IGDCC3: variants seen among roughly 807,000 people sequenced by gnomAD.
The protein encoded by IGDCC3 is putative neuronal cell adhesion molecule.
A neutral mutation model predicts 72.0 loss-of-function variants in IGDCC3; 47 were observed. The observed-to-expected ratio is 0.65, with a 90% CI of 0.52 to 0.83. IGDCC3 has a LOEUF of 0.83. Ranked by LOEUF, IGDCC3 falls within the 40% of genes least tolerant of loss-of-function variation. IGDCC3 has a pLI of 0.00. For synonymous variants in IGDCC3, 477 were observed against 472.8 expected (o/e 1.01, Z -0.11); for missense variants, 1,038 against 1,091.3 (o/e 0.95, Z 0.69).
At chr15:65,362,111 A>G (rs544784258) in intron 2 of IGDCC3, among the ~76,000 whole-genome samples, 123 of 151,288 alleles carry the variant, frequency 8.1e-4, no homozygotes, top group African/African-American at 2.9e-3. Context: ...AGTGGTACAG[A>G]GGGAGCTGGG....
chr15:65,377,505 C>T lies in IGDCC3; in HGVS notation c.103+181G>A, dbSNP rs916779997. Among the ~76,000 whole-genome samples the T allele has an allele frequency of 1.3e-5, 2 of 152,290 alleles. No individual in the cohort carries two copies. Among genetic ancestry groups the T allele is most frequent in the East Asian group, 3.9e-4 (2 of 5,172 alleles). ...TTCCGTCCTCAACACGCCCCTAGGG[C>T]CCCCAGCAGTCCGGCCTTGGTACCC... On this transcript the variant is annotated intron_variant, in intron 1 of 13. Transcript: ENST00000327987. The surrounding 1 kb of genome is among the most constrained non-coding windows in gnomAD (Gnocchi z 4.9).
intron 2 of IGDCC3, among the ~76,000 whole-genome samples, chr15:65,365,729 C>T (rs1359942463): frequency 1.3e-5 from 2 of 152,204 alleles, no homozygotes; most frequent in Admixed American, 1.3e-4. Context: ...AGAAATCCCA[C>T]TCTAGACAAG....
intron 2 of IGDCC3, among the ~76,000 whole-genome samples, chr15:65,363,298 T>C (rs1360025089): frequency 2.0e-5 from 3 of 152,124 alleles, no homozygotes; most frequent in African/African-American, 7.2e-5. Context: ...ATTCCGGGAA[T>C]GATGAGCCCC....
chr15:65,364,426 C>T (rs664573), intron 2 of IGDCC3, among the ~76,000 whole-genome samples: 48,431 of 152,000 alleles, frequency 0.32, 7,882 homozygotes, highest in East Asian at 0.52. Context: ...CTGTTACTAA[C>T]TAGTTCTCTA....
At position 65,377,605 on chromosome 15, in the gene IGDCC3, GC is replaced by G; in HGVS notation, c.103+80del. 1.6e-6 allele frequency: 2 copies of G among 1,282,444 alleles called. No homozygotes were observed. The highest frequency in any genetic ancestry group is 2.1e-5 in the South Asian group (1 of 46,662). 79.4% of individuals were successfully genotyped at this position (1,282,444 alleles called of 1,614,324 possible). On this transcript the variant is annotated intron_variant, in intron 1 of 13. Transcript: ENST00000327987. The surrounding 1 kb of genome is among the most constrained non-coding windows in gnomAD (Gnocchi z 4.9). ...GGTCCGCGCCGCTCTCCCCGGGTCC[GC>G]CCCTCGCGCCCGCTCCCTCCCTGCT...
At chr15:65,357,854 C>T (rs1442441585) in intron 2 of IGDCC3, among the ~76,000 whole-genome samples, 4 of 152,206 alleles carry the variant, frequency 2.6e-5, no homozygotes, top group Non-Finnish European at 5.9e-5. Context: ...CCTGCAGCTG[C>T]CGAACTACTC....
At chr15:65,361,419 A>C (rs1448272833) in intron 2 of IGDCC3, among the ~76,000 whole-genome samples, 2 of 151,576 alleles carry the variant, frequency 1.3e-5, no homozygotes, top group Non-Finnish European at 1.5e-5. Flanking sequence ...TCCAACCAGG[A>C]TCAACCAGGA....
At chr15:65,366,697 G>A (rs778916030) in intron 2 of IGDCC3, among the ~76,000 whole-genome samples, 11 of 152,178 alleles carry the variant, frequency 7.2e-5, no homozygotes, top group Non-Finnish European at 1.0e-4. Context: ...CCACCGGCTT[G>A]CCTGCATTAA....
chr15:65,354,719 C>A (rs1445583277), intron 2 of IGDCC3, among the ~76,000 whole-genome samples: 1 of 152,216 alleles, frequency 6.6e-6, no homozygotes, highest in African/African-American at 2.4e-5. Context: ...GATCACTCCT[C>A]ATCTTGTCTT....
rs747552328 is a variant in IGDCC3, at chr15:65,333,323, C to T, written c.916G>A (p.Val306Ile). 3.0e-5 allele frequency: 48 copies of T among 1,613,198 alleles called. No individual in the cohort carries two copies. The highest frequency in any genetic ancestry group is 2.2e-5 in the East Asian group (1 of 44,864). Residue 306 changes from valine (V) to isoleucine (I), a missense_variant, in exon 6 of 14, where the codon GTC (valine) becomes ATC (isoleucine). By Grantham distance (29) the Val-to-Ile change is conservative (BLOSUM62 3). Transcript: ENST00000327987. The part of the protein sequence containing the change: ...DVTVQHSGVY[V>I]CAANRPGTRV... Reference sequence around the variant, plus strand: ...GTGCCAGGTCTGTTGGCTGCACAGACGTAGACGCCAGAGTGCTGGACCGTC... The same window carrying T: ...GTGCCAGGTCTGTTGGCTGCACAGATGTAGACGCCAGAGTGCTGGACCGTC...
intron 2 of IGDCC3, among the ~76,000 whole-genome samples, chr15:65,360,747 C>A (rs1415829840): frequency 6.6e-6 from 1 of 152,180 alleles, no homozygotes. Flanking sequence ...GACCAATCAG[C>A]ATGCTGGAAA....
intron 2 of IGDCC3, among the ~76,000 whole-genome samples, chr15:65,374,358 GCA>G (rs1295066713): frequency 6.6e-6 from 1 of 152,098 alleles, no homozygotes; most frequent in Non-Finnish European, 1.5e-5. Flanking sequence ...CTCCCAGTGT[GCA>G]CAGATTCAAC....
intron 2 of IGDCC3, among the ~76,000 whole-genome samples, chr15:65,342,367 C>T (rs1178983377): frequency 6.8e-6 from 1 of 148,114 alleles, no homozygotes; most frequent in Non-Finnish European, 1.5e-5. Flanking sequence ...GCCTGGGCAA[C>T]AAGAGTGAAA....
At position 65,329,778 on chromosome 15, in the gene IGDCC3, C is replaced by T; in HGVS notation, c.1945G>A (p.Val649Ile). Reference sequence around the variant, plus strand: ...AGGACACAGAAGATGATGCAAGTGACCCCGATGTGGATGCCGATGACGATG... The same window carrying T: ...AGGACACAGAAGATGATGCAAGTGATCCCGATGTGGATGCCGATGACGATG... ...TGIVIGIHIG[V>I]TCIIFCVLFL... The change falls in exon 12 of 14, where the codon GTC (valine) becomes ATC (isoleucine). Residue 649 changes from valine to isoleucine, a missense_variant. Transcript: ENST00000327987. This position sits in a 1 kb window ranked among gnomAD's most constrained non-coding sequence, Gnocchi z 4.1. 1.2e-6 allele frequency: 2 copies of T among 1,614,148 alleles called. No individual in the cohort carries two copies. The highest frequency in any genetic ancestry group is 1.7e-6 in the Non-Finnish European group (2 of 1,180,030).
chr15:65,349,620 G>C (rs1427604189), intron 2 of IGDCC3, among the ~76,000 whole-genome samples: 2 of 152,090 alleles, frequency 1.3e-5, no homozygotes, highest in Admixed American at 6.5e-5. Context: ...CAAGCTGGTC[G>C]GTCACAAACT....
Position 65,328,725 on chromosome 15 carries a change from G to T in IGDCC3, c.*184C>A. ...TGCAGGAACTGCTCCAACTCCTGAT[G>T]GGTGTTAGGGCCGGGGGGTCCCTGT... On this transcript the variant is annotated 3_prime_UTR_variant, in exon 14 of 14. Coordinates refer to ENST00000327987, the MANE Select transcript of IGDCC3 (RefSeq NM_004884.4). 1.7e-6 allele frequency: 1 copy of T among 574,164 alleles called. No individual in the cohort carries two copies. Among genetic ancestry groups the T allele is most frequent in the Non-Finnish European group, 2.7e-6 (1 of 371,696 alleles). The allele number at this position is 574,164 out of a possible 1,614,324, so 35.6% of individuals were successfully genotyped here. A position where few individuals can be genotyped will look rare whatever the true frequency, so the allele number is the denominator to read the frequency against.
chr15:65,357,120 G>A (rs1262602067), intron 2 of IGDCC3, among the ~76,000 whole-genome samples: 1 of 151,770 alleles, frequency 6.6e-6, no homozygotes, highest in African/African-American at 2.4e-5. Flanking sequence ...CCAAAGTGCT[G>A]GGATTACGGG....
Position 65,329,333 on chromosome 15 carries a change from G to T in IGDCC3, c.2205+57C>A. On this transcript the variant is annotated intron_variant, in intron 13 of 13. Coordinates refer to ENST00000327987, the MANE Select transcript of IGDCC3 (RefSeq NM_004884.4). This position sits in a 1 kb window ranked among gnomAD's most constrained non-coding sequence, Gnocchi z 4.1. Reference sequence around the variant, plus strand: ...GGCCAAGGTGAAGGGGGGCAGGATTGGAAGGTGGCAGTGTCAGAGCCTGAG... The same window carrying T: ...GGCCAAGGTGAAGGGGGGCAGGATTTGAAGGTGGCAGTGTCAGAGCCTGAG... 6.6e-7 allele frequency: 1 copy of T among 1,522,350 alleles called. No individual in the cohort carries two copies. 94.3% of individuals were successfully genotyped at this position (1,522,350 alleles called of 1,614,324 possible).
chr15:65,335,295 C>T lies in IGDCC3; in HGVS notation c.681G>A (p.Val227=). Residue 227 remains valine, a synonymous_variant, in exon 4 of 14, where the codon GTG becomes GTA. Coordinates refer to ENST00000327987, the MANE Select transcript of IGDCC3 (RefSeq NM_004884.4). ...AAAGTGCTGAAGGACCCTCACCTGACACAGTGAGCCTGGCCCCGTGGCTGA... is the reference window on the plus strand; with the variant it reads ...AAAGTGCTGAAGGACCCTCACCTGATACAGTGAGCCTGGCCCCGTGGCTGA... ...IRISHGARLT[V]SGSGSGAYKE... The T allele has an allele frequency of 6.2e-7, 1 of 1,608,742 alleles. No individual in the cohort carries two copies. The highest frequency in any genetic ancestry group is 1.1e-5 in the South Asian group (1 of 90,192).
Sources: allele counts gnomAD v4.1 joint callset (sites outside exome capture counted in the v4.1 genomes callset), GRCh38; gene constraint gnomAD v4.1.1; non-coding constraint Gnocchi (gnomAD v3.1); transcripts MANE v1.5; gene names NCBI Gene and HGNC (gene_info 2026-07-23, HGNC 2026-07-21).